ZNF420: variants seen among roughly 807,000 people sequenced by gnomAD.
The protein encoded by ZNF420 is zinc finger protein 420, also known as ATM and p53-associated KZNF protein.
Under a neutral mutation model 44.7 loss-of-function variants are expected in ZNF420, and 31 were observed. That is an observed-to-expected ratio of 0.69 (90% CI 0.52 to 0.94). The LOEUF is 0.94. Ranked by LOEUF, ZNF420 falls within the 40% of genes least tolerant of loss-of-function variation. ZNF420 has a pLI of 0.00. For synonymous variants in ZNF420, 245 were observed against 267.4 expected (o/e 0.92, Z 0.82); for missense variants, 681 against 827.9 (o/e 0.82, Z 2.18).
chr19:37,082,274 T>G (rs563058725), intron 2 of ZNF420, among the ~76,000 whole-genome samples: 9 of 152,282 alleles, frequency 5.9e-5, no homozygotes, highest in African/African-American at 2.2e-4. Flanking sequence ...GTGATTCTCC[T>G]GCCTCAGCCT....
chr19:37,008,080 C>A, exon 1 of ZNF420: 1 of 269,454 alleles, frequency 3.7e-6, no homozygotes, highest in Admixed American at 4.8e-5. Flanking sequence ...GGACGGTGTG[C>A]GGGTGAGTCT....
chr19:37,030,152 T>TTTG lies in ZNF420; in HGVS notation c.-125+22094_-125+22096dup, dbSNP rs200374712. On this transcript the variant is annotated intron_variant, in intron 1 of 4. Transcript: ENST00000587029. ...CTGGTAATCACTGTGGTTCTCTGTT[T>TTTG]TTGTTGTTGTTGTTGTTGTTGTTGT... Among the ~76,000 whole-genome samples the TTTG allele has an allele frequency of 3.5e-3, 525 of 151,918 alleles. 2 individuals carry two copies. Among genetic ancestry groups the TTTG allele is most frequent in the African/African-American group, 0.011 (466 of 41,460 alleles).
Position 37,128,664 on chromosome 19 carries a change from C to T in ZNF420, c.1673C>T (p.Pro558Leu). The T allele has an allele frequency of 1.2e-6, 2 of 1,614,122 alleles. No homozygotes were observed. Among genetic ancestry groups the T allele is most frequent in the Non-Finnish European group, 1.7e-6 (2 of 1,180,002 alleles). The change falls in exon 5 of 5, where the codon CCA (proline) becomes CTA (leucine). Residue 558 changes from proline (P) to leucine (L), a missense_variant. Pro to Leu is a moderately conservative substitution (Grantham distance 98, BLOSUM62 -3). Around this residue, in one of 3 missense-constraint regions of ZNF420, gnomAD observed 280 missense variants for 338.6 expected, o/e 0.83. Transcript: ENST00000337995. ...QHQRIHTGEKPYQCKECGKAF... is the reference protein window; with the variant it reads ...QHQRIHTGEKLYQCKECGKAF... ...CAGAGAATTCATACTGGTGAGAAAC[C>T]ATATCAATGTAAGGAATGTGGGAAA...
intron 4 of ZNF420, among the ~76,000 whole-genome samples, chr19:37,119,567 A>G (rs369369392): frequency 1.3e-5 from 2 of 152,090 alleles, no homozygotes; most frequent in Admixed American, 6.6e-5. Context: ...AAGAACTAGA[A>G]AAGCAAGAGC....
intron 4 of ZNF420, among the ~76,000 whole-genome samples, chr19:37,115,708 C>T (rs1409773532): frequency 6.6e-6 from 1 of 151,888 alleles, no homozygotes; most frequent in African/African-American, 2.4e-5. Flanking sequence ...GCAGAGAGGC[C>T]TTCCTCTTTT....
intron 1 of ZNF420, among the ~76,000 whole-genome samples, chr19:37,057,606 C>T (rs1011878828): frequency 1.3e-5 from 2 of 151,868 alleles, no homozygotes; most frequent in East Asian, 3.9e-4. Context: ...TTTGGTGAGC[C>T]TTTTTTTTGG....
rs75941740 is a variant in ZNF420 at position 37,129,478 on chromosome 19, A to T, written c.*420A>T. On this transcript the variant is annotated 3_prime_UTR_variant, in exon 5 of 5. Coordinates refer to ENST00000337995, the MANE Select transcript of ZNF420 (RefSeq NM_144689.5). ...GTTATTACATGTAAAAGCTCTTAGA[A>T]TGGTGCCTTGAACGTAGCATACCAC... The T allele has an allele frequency of 0.021, 3,535 of 172,408 alleles. 148 individuals carry two copies. Among genetic ancestry groups the T allele is most frequent in the African/African-American group, 0.079 (3,292 of 41,782 alleles). 10.7% of individuals were successfully genotyped at this position (172,408 alleles called of 1,614,324 possible).
intron 4 of ZNF420, among the ~76,000 whole-genome samples, chr19:37,101,710 G>A (rs1009373689): frequency 1.3e-5 from 2 of 152,238 alleles, no homozygotes; most frequent in East Asian, 1.9e-4. Flanking sequence ...TCTCCACCTG[G>A]GTGGACCTAG....
At chr19:37,115,865 C>T (rs1970652029) in intron 4 of ZNF420, among the ~76,000 whole-genome samples, 1 of 152,098 alleles carries the variant, frequency 6.6e-6, no homozygotes, top group South Asian at 2.1e-4. Context: ...TTCCTGTGGC[C>T]TTCCACAGTG....
chr19:37,084,796 A>G (rs2146504871), intron 2 of ZNF420, among the ~76,000 whole-genome samples: 1 of 152,276 alleles, frequency 6.6e-6, no homozygotes, highest in East Asian at 1.9e-4. Context: ...TGAAATTGCC[A>G]AAATTATTGG....
At chr19:37,022,219 A>G (rs1382937042) in intron 1 of ZNF420, among the ~76,000 whole-genome samples, 1 of 151,430 alleles carries the variant, frequency 6.6e-6, no homozygotes, top group African/African-American at 2.4e-5. Flanking sequence ...ATTAATATAT[A>G]TTTTATTTGC....
chr19:37,116,419 C>T (rs1166863384), intron 4 of ZNF420, among the ~76,000 whole-genome samples: 1 of 151,086 alleles, frequency 6.6e-6, no homozygotes. Flanking sequence ...CATCTCTCAG[C>T]ATTTGACATA....
chr19:37,022,681 CTAGA>C (rs1213603308), intron 1 of ZNF420, among the ~76,000 whole-genome samples: 3 of 152,098 alleles, frequency 2.0e-5, no homozygotes, highest in Non-Finnish European at 4.4e-5. Flanking sequence ...ACAGTACATT[CTAGA>C]TAGTGTTCCA....
chr19:37,104,199 C>T (rs1969947522), intron 4 of ZNF420, among the ~76,000 whole-genome samples: 2 of 144,466 alleles, frequency 1.4e-5, no homozygotes, highest in African/African-American at 5.1e-5. Context: ...CAAGTGTTCT[C>T]ATTGTTCAAT....
intron 4 of ZNF420, among the ~76,000 whole-genome samples, chr19:37,121,748 G>C (rs1971052552): frequency 6.6e-6 from 1 of 152,130 alleles, no homozygotes; most frequent in South Asian, 2.1e-4. Context: ...CTAATATCCA[G>C]AATCTACAAT....
intron 4 of ZNF420, among the ~76,000 whole-genome samples, chr19:37,102,832 G>A (rs1969855707): frequency 6.6e-6 from 1 of 151,984 alleles, no homozygotes; most frequent in South Asian, 2.1e-4. Flanking sequence ...CTCAATTTAT[G>A]GTTACCTTTT....
At chr19:37,097,153 T>C (rs563403165) in intron 4 of ZNF420, among the ~76,000 whole-genome samples, 1 of 152,284 alleles carries the variant, frequency 6.6e-6, no homozygotes, top group South Asian at 2.1e-4. Flanking sequence ...TGCCTCGGCC[T>C]CCCAAAGTGC....
intron 1 of ZNF420, among the ~76,000 whole-genome samples, chr19:37,046,275 T>C (rs1224343649): frequency 2.6e-5 from 4 of 152,188 alleles, no homozygotes; most frequent in South Asian, 2.1e-4. Flanking sequence ...GATTATCTTA[T>C]AAAGTTGAGC....
chr19:37,015,222 C>T (rs2074601169), intron 1 of ZNF420, among the ~76,000 whole-genome samples: 1 of 152,214 alleles, frequency 6.6e-6, no homozygotes, highest in Non-Finnish European at 1.5e-5. Flanking sequence ...GTCCACCTAC[C>T]TTCTGATGCT....
Sources: allele counts gnomAD v4.1 joint callset (sites outside exome capture counted in the v4.1 genomes callset), GRCh38; gene constraint gnomAD v4.1.1; regional missense constraint gnomAD v4.1.1; transcripts MANE v1.5; gene names NCBI Gene and HGNC (gene_info 2026-07-23, HGNC 2026-07-21).